Variants in BCAS3 observed in about 807,000 individuals in gnomAD.
BCAS3 encodes the protein BCAS4/BCAS3 fusion.
BCAS3 carries 53 observed loss-of-function variants against 116.1 expected under a neutral mutation model. The ratio of observed to expected loss-of-function variants is 0.46; its 90% CI spans 0.37 to 0.57. The LOEUF (loss-of-function observed/expected upper bound fraction) is 0.57. Among genes scored for constraint, BCAS3 ranks in the 20% least tolerant of loss-of-function variants. The probability of loss-of-function intolerance (pLI) is 0.00; values close to 1 mark genes in which losing one functional copy is unlikely to be tolerated. For missense variants in BCAS3, 917 were observed against 1,165.4 expected (o/e 0.79, Z 3.10); for synonymous variants, 391 against 408.2 (o/e 0.96, Z 0.51).
intron 23 of BCAS3, among the ~76,000 whole-genome samples, chr17:61,386,871 T>C (rs2059888458): frequency 6.8e-6 from 1 of 146,132 alleles, no homozygotes; most frequent in South Asian, 2.3e-4. Context: ...CTGGAACACC[T>C]GGGCTCAAGG....
chr17:61,289,163 A>G (rs955746732), intron 22 of BCAS3, among the ~76,000 whole-genome samples: 2 of 152,184 alleles, frequency 1.3e-5, no homozygotes, highest in Non-Finnish European at 2.9e-5. Context: ...ACCTTGAGTT[A>G]TAATTCCAAG....
intron 22 of BCAS3, among the ~76,000 whole-genome samples, chr17:61,267,676 C>T (rs535714794): frequency 1.4e-5 from 2 of 147,686 alleles, no homozygotes; most frequent in East Asian, 2.1e-4. Flanking sequence ...GAGCCAAGAT[C>T]GTGCCACTGC....
At position 61,189,738 on chromosome 17, in the gene BCAS3, T is replaced by A. The variant is rs986395004; in HGVS notation, c.2425+105174T>A. On this transcript the variant is annotated intron_variant, in intron 22 of 23. Transcript: ENST00000407086. This position sits in a 1 kb window ranked among gnomAD's most constrained non-coding sequence, Gnocchi z 4.5. Reference sequence around the variant, plus strand: ...GTTTAATATAAATCCCAGGTTTCTGTCTATGCTAATTAAGTGGAAGAGAGA... The same window carrying A: ...GTTTAATATAAATCCCAGGTTTCTGACTATGCTAATTAAGTGGAAGAGAGA... 3.9e-5 allele frequency among the ~76,000 whole-genome samples: 6 copies of A among 152,184 alleles called. No homozygotes were observed. The highest frequency in any genetic ancestry group is 1.4e-4 in the African/African-American group (6 of 41,446).
At chr17:61,191,644 G>A (rs1247974408) in intron 22 of BCAS3, among the ~76,000 whole-genome samples, 3 of 151,852 alleles carry the variant, frequency 2.0e-5, no homozygotes, top group Non-Finnish European at 2.9e-5. Context: ...GTGTGGTGAC[G>A]GGCGCCTATA....
Position 60,951,764 on chromosome 17 carries a change from CTTTTTT to C in BCAS3, c.1221+4429_1221+4434del, listed in dbSNP as rs769133578. The stretch of plus-strand genomic sequence containing the variant: ...AGGGTCTTGGCATTTTCTTTTCTTT[CTTTTTT>C]TTTTTTTTTTTTTTTTCTTTGGAGA... On this transcript the variant is annotated intron_variant, in intron 14 of 23. Transcript: ENST00000407086. Among the ~76,000 whole-genome samples, 475 of 109,514 alleles carry C rather than the reference CTTTTTT, an allele frequency of 4.3e-3. 2 individuals carry two copies. Among genetic ancestry groups the C allele is most frequent in the African/African-American group, 0.017 (450 of 26,692 alleles). 71.8% of individuals were successfully genotyped at this position (109,514 alleles called of 152,430 possible).
intron 5 of BCAS3, among the ~76,000 whole-genome samples, chr17:60,734,061 A>G (rs2040727073): frequency 1.3e-5 from 2 of 152,130 alleles, no homozygotes; most frequent in Non-Finnish European, 2.9e-5. Flanking sequence ...TGGTGTATCA[A>G]AAAAGTCATC....
At chr17:60,741,695 C>T (rs1374927980) in intron 5 of BCAS3, among the ~76,000 whole-genome samples, 1 of 152,114 alleles carries the variant, frequency 6.6e-6, no homozygotes, top group Non-Finnish European at 1.5e-5. Flanking sequence ...GGACACCTAC[C>T]AGAATGGCTG....
chr17:61,291,631 A>G (rs369425795), intron 22 of BCAS3, among the ~76,000 whole-genome samples: 10 of 152,154 alleles, frequency 6.6e-5, no homozygotes, highest in East Asian at 3.9e-4. Context: ...TGAAGGTATC[A>G]CCTCTGCAGG....
At chr17:61,284,433 C>T (rs530879183) in intron 22 of BCAS3, among the ~76,000 whole-genome samples, 1 of 152,180 alleles carries the variant, frequency 6.6e-6, no homozygotes, top group Admixed American at 6.5e-5. Context: ...GGAAGAAACA[C>T]TGGACACATC....
chr17:60,817,934 A>G (rs573804816), intron 7 of BCAS3, among the ~76,000 whole-genome samples: 1 of 151,122 alleles, frequency 6.6e-6, no homozygotes, highest in Admixed American at 6.6e-5. Flanking sequence ...GGCTCACTGC[A>G]ACCTCCACGT....
At chr17:61,107,449 C>T (rs1232760129) in intron 22 of BCAS3, among the ~76,000 whole-genome samples, 1 of 152,104 alleles carries the variant, frequency 6.6e-6, no homozygotes, top group Non-Finnish European at 1.5e-5. Context: ...AGATACAAAC[C>T]GTTCCGTCAC....
chr17:61,110,612 A>G (rs1409684650), intron 22 of BCAS3, among the ~76,000 whole-genome samples: 4 of 151,824 alleles, frequency 2.6e-5, no homozygotes, highest in Non-Finnish European at 5.9e-5. Context: ...AGTCTCGCTG[A>G]TTGCTAGCAC....
chr17:60,720,643 CA>C (rs1254375689), intron 5 of BCAS3, among the ~76,000 whole-genome samples: 1 of 151,910 alleles, frequency 6.6e-6, no homozygotes, highest in Non-Finnish European at 1.5e-5. Context: ...AAAAATAACA[CA>C]AATAAAAATG....
intron 6 of BCAS3, among the ~76,000 whole-genome samples, chr17:60,760,081 A>G (rs535014465): frequency 1.3e-5 from 2 of 152,332 alleles, no homozygotes; most frequent in South Asian, 4.1e-4. Context: ...CTGTAGGCAA[A>G]GTGCATTTCT....
intron 22 of BCAS3, among the ~76,000 whole-genome samples, chr17:61,192,355 G>T (rs1444253072): frequency 6.7e-6 from 1 of 149,464 alleles, no homozygotes. Context: ...TAACTACCAA[G>T]AATCTTCCAG....
intron 19 of BCAS3, among the ~76,000 whole-genome samples, chr17:61,055,582 T>C (rs1320383723): frequency 6.6e-6 from 1 of 152,192 alleles, no homozygotes; most frequent in African/African-American, 2.4e-5. Context: ...TGTGCTTTTC[T>C]GACACATAGG....
rs547076958 is a variant in BCAS3, at chr17:61,327,545, C to T, written c.2426-40782C>T. Among the ~76,000 whole-genome samples, 3 of 151,982 alleles carry T rather than the reference C, an allele frequency of 2.0e-5. No homozygotes were observed. Among genetic ancestry groups the T allele is most frequent in the Non-Finnish European group, 2.9e-5 (2 of 67,960 alleles). On this transcript the variant is annotated intron_variant, in intron 22 of 23. Transcript: ENST00000407086. This position sits in a 1 kb window ranked among gnomAD's most constrained non-coding sequence, Gnocchi z 5.9. ...TTTTAGACAGAGTCTCACTCTGTCA[C>T]CCAGGCTGGAGAGTAGTGTAGTGTC...
At chr17:60,809,336 AC>A (rs2048580449) in intron 7 of BCAS3, among the ~76,000 whole-genome samples, 1 of 152,140 alleles carries the variant, frequency 6.6e-6, no homozygotes. Flanking sequence ...ACAGATGAAA[AC>A]AACTATTGCA....
At chr17:61,238,525 G>C (rs1027691756) in intron 22 of BCAS3, among the ~76,000 whole-genome samples, 1 of 151,930 alleles carries the variant, frequency 6.6e-6, no homozygotes, top group Non-Finnish European at 1.5e-5. Flanking sequence ...CCAGGCACAA[G>C]AGTATTTCTG....
Sources: gnomAD v4.1 joint callset for allele counts (sites outside exome capture counted in the v4.1 genomes callset) on GRCh38, gnomAD v4.1.1 for gene constraint, Gnocchi (gnomAD v3.1) non-coding constraint, MANE v1.5 for transcripts, NCBI Gene and HGNC (gene_info 2026-07-23, HGNC 2026-07-21) for gene names.